The following SLC24A3 variants were observed in gnomAD, a reference collection of about 807,000 sequenced individuals.
The protein encoded by SLC24A3 is sodium/potassium/calcium exchanger 3.
In SLC24A3, 28 loss-of-function variants were observed where a neutral mutation model predicts 75.8. The observed-to-expected ratio is 0.37, with a 90% CI of 0.27 to 0.51. The LOEUF (loss-of-function observed/expected upper bound fraction) is 0.51, where lower values mean the gene tolerates loss of function less well. Among genes scored for constraint, SLC24A3 ranks in the 20% least tolerant of loss-of-function variants. The pLI is 0.94. For missense variants in SLC24A3, 663 were observed against 847.8 expected (o/e 0.78, Z 2.71); for synonymous variants, 372 against 334.1 (o/e 1.11, Z -1.24).
intron 2 of SLC24A3, among the ~76,000 whole-genome samples, chr20:19,301,790 A>G (rs1483804459): frequency 6.6e-6 from 1 of 152,090 alleles, no homozygotes; most frequent in South Asian, 2.1e-4. Context: ...CCAAATGCTT[A>G]TCTCCTCTTC....
intron 1 of SLC24A3, among the ~76,000 whole-genome samples, chr20:19,222,109 T>A (rs973911062): frequency 6.6e-6 from 1 of 152,200 alleles, no homozygotes; most frequent in Non-Finnish European, 1.5e-5. Flanking sequence ...GTGTTTAATT[T>A]CTGCTGTCAT....
In SLC24A3 at chr20:19,568,472, C is replaced by T. The variant is rs1341115010; in HGVS notation, c.349-11528C>T. ...AACACATGCTGCAACAGGGATGAACCTTGAATATATTATGCTAAGTGAAAT... is the reference window on the plus strand; with the variant it reads ...AACACATGCTGCAACAGGGATGAACTTTGAATATATTATGCTAAGTGAAAT... On this transcript the variant is annotated intron_variant, in intron 3 of 16. Transcript: ENST00000328041. 2.6e-5 allele frequency among the ~76,000 whole-genome samples: 4 copies of T among 152,086 alleles called. No homozygotes were observed. The East Asian group carries it at 7.7e-4, about 29-fold the overall frequency.
chr20:19,699,491 T>A (rs969081906), intron 15 of SLC24A3, among the ~76,000 whole-genome samples: 1 of 152,220 alleles, frequency 6.6e-6, no homozygotes, highest in Admixed American at 6.5e-5. Context: ...GTAAGATATA[T>A]AAGGGCTGTG....
At chr20:19,337,667 C>G (rs1487194327) in intron 2 of SLC24A3, among the ~76,000 whole-genome samples, 1 of 152,112 alleles carries the variant, frequency 6.6e-6, no homozygotes, top group Non-Finnish European at 1.5e-5. Flanking sequence ...ACAAACTACG[C>G]TAAAACATGG....
intron 2 of SLC24A3, among the ~76,000 whole-genome samples, chr20:19,392,167 T>G (rs766774029): frequency 3.3e-5 from 5 of 151,384 alleles, no homozygotes; most frequent in Non-Finnish European, 7.4e-5. Context: ...TTAAGATTTA[T>G]ATCTTAACAG....
intron 12 of SLC24A3, among the ~76,000 whole-genome samples, chr20:19,690,075 G>A (rs1395880308): frequency 6.9e-6 from 1 of 145,360 alleles, no homozygotes; most frequent in Admixed American, 6.9e-5. Context: ...CAGCTAAAAT[G>A]TGGGTGATCT....
intron 1 of SLC24A3, among the ~76,000 whole-genome samples, chr20:19,263,137 T>G (rs1261268615): frequency 1.3e-5 from 2 of 152,044 alleles, no homozygotes; most frequent in Non-Finnish European, 2.9e-5. Context: ...GAAAAGGATT[T>G]TCTTTCTGGC....
intron 2 of SLC24A3, among the ~76,000 whole-genome samples, chr20:19,442,479 G>A (rs534198502): frequency 1.1e-4 from 17 of 152,120 alleles, no homozygotes; most frequent in South Asian, 2.1e-4. Context: ...GAATCTTTTC[G>A]TATGCTCATT....
chr20:19,530,117 G>C (rs2030270202), intron 3 of SLC24A3, among the ~76,000 whole-genome samples: 1 of 152,150 alleles, frequency 6.6e-6, no homozygotes, highest in Non-Finnish European at 1.5e-5. Context: ...TGGAAAGGAA[G>C]TAAAAAGCTC....
At chr20:19,316,084 C>T (rs1018137857) in intron 2 of SLC24A3, among the ~76,000 whole-genome samples, 1 of 152,076 alleles carries the variant, frequency 6.6e-6, no homozygotes, top group African/African-American at 2.4e-5. Context: ...CCGCAGCTGC[C>T]CAGCATCACC....
chr20:19,348,996 C>T (rs970934037), intron 2 of SLC24A3, among the ~76,000 whole-genome samples: 6 of 152,180 alleles, frequency 3.9e-5, no homozygotes, highest in Admixed American at 3.9e-4. Context: ...CTGTCTGCAT[C>T]CCCCAGCCTT....
chr20:19,567,783 G>A (rs1457579585), intron 3 of SLC24A3, among the ~76,000 whole-genome samples: 2 of 152,010 alleles, frequency 1.3e-5, no homozygotes, highest in Non-Finnish European at 2.9e-5. Context: ...AAAATAAATT[G>A]GAATACATCA....
intron 2 of SLC24A3, among the ~76,000 whole-genome samples, chr20:19,380,357 C>T (rs900155281): frequency 5.3e-5 from 8 of 152,230 alleles, no homozygotes; most frequent in South Asian, 2.1e-4. Flanking sequence ...GGCAGAGACC[C>T]GGCAATACTA....
intron 2 of SLC24A3, among the ~76,000 whole-genome samples, chr20:19,331,867 A>G (rs746809111): frequency 5.3e-5 from 8 of 152,186 alleles, no homozygotes; most frequent in Non-Finnish European, 1.0e-4. Flanking sequence ...ATAGGTCGTG[A>G]TGGGGGTCGA....
chr20:19,346,063 CTATATATATATATATATATATATA>C (rs763603062), intron 2 of SLC24A3, among the ~76,000 whole-genome samples: 11 of 21,258 alleles, frequency 5.2e-4, no homozygotes, highest in Admixed American at 6.7e-4. Context: ...ATAAAGAAAA[CTATATATATATATATATATATATA>C]TATATATATA....
chr20:19,224,484 G>A (rs1981823713), intron 1 of SLC24A3, among the ~76,000 whole-genome samples: 1 of 152,090 alleles, frequency 6.6e-6, no homozygotes, highest in Admixed American at 6.5e-5. Context: ...TGTCAGGTAT[G>A]GTAACCTGAA....
At chr20:19,247,223 G>C (rs1267569232) in intron 1 of SLC24A3, among the ~76,000 whole-genome samples, 2 of 152,148 alleles carry the variant, frequency 1.3e-5, no homozygotes, top group Non-Finnish European at 2.9e-5. Flanking sequence ...CTCTCTGATG[G>C]CTCAGTGAGG....
intron 2 of SLC24A3, among the ~76,000 whole-genome samples, chr20:19,432,558 A>G (rs1408558651): frequency 2.6e-5 from 4 of 152,106 alleles, no homozygotes; most frequent in Non-Finnish European, 5.9e-5. Context: ...CAAGACATTC[A>G]TAAGTGGAAA....
intron 2 of SLC24A3, among the ~76,000 whole-genome samples, chr20:19,424,742 C>CAAAAA (rs1568614237): frequency 2.1e-4 from 1 of 4,786 alleles, no homozygotes; most frequent in African/African-American, 7.6e-4. Context: ...AAAAAAACAA[C>CAAAAA]AACAAAAAAA....
Sources: allele counts gnomAD v4.1 joint callset (sites outside exome capture counted in the v4.1 genomes callset), GRCh38; gene constraint gnomAD v4.1.1; transcripts MANE v1.5; gene names NCBI Gene and HGNC (gene_info 2026-07-23, HGNC 2026-07-21).